The following CIMIP2A variants were observed in gnomAD, a reference collection of about 807,000 sequenced individuals.
The protein encoded by CIMIP2A is ciliary microtubule inner protein 2A.
At chr9:137,253,715 G>A in the CIMIP2A span, among the ~76,000 whole-genome samples, 2 of 152,200 alleles carry the variant, frequency 1.3e-5, no homozygotes, top group Non-Finnish European at 2.9e-5. Flanking sequence ...CAGGGGCCTG[G>A]TCTAGCTGCT....
the CIMIP2A span, among the ~76,000 whole-genome samples, chr9:137,243,967 C>T: frequency 6.6e-6 from 1 of 152,066 alleles, no homozygotes; most frequent in Non-Finnish European, 1.5e-5. Flanking sequence ...GGGGCTCGGC[C>T]TGTGTCTGGG....
chr9:137,249,758 G>T, the CIMIP2A span, among the ~76,000 whole-genome samples: 87 of 152,362 alleles, frequency 5.7e-4, no homozygotes, highest in Non-Finnish European at 1.2e-3. Flanking sequence ...GGACATGGAA[G>T]CGCCAGCCCC....
chr9:137,244,729 A>C, the CIMIP2A span: 1 of 1,613,144 alleles, frequency 6.2e-7, no homozygotes, highest in Non-Finnish European at 8.5e-7. Context: ...GAATGAAGCC[A>C]GCATAGCCTG....
the CIMIP2A span, chr9:137,245,785 A>T: frequency 6.5e-7 from 1 of 1,541,034 alleles, no homozygotes; most frequent in Non-Finnish European, 8.8e-7. Flanking sequence ...GTCTGTGAGC[A>T]GCTGCCCCGT....
At chr9:137,249,565 A>G in the CIMIP2A span, among the ~76,000 whole-genome samples, 1 of 152,148 alleles carries the variant, frequency 6.6e-6, no homozygotes, top group Non-Finnish European at 1.5e-5. Context: ...CCAAGGCAGG[A>G]CGCTAACATT....
the CIMIP2A span, chr9:137,244,508 A>G: frequency 1.3e-6 from 2 of 1,505,196 alleles, no homozygotes; most frequent in Admixed American, 4.1e-5. Context: ...CGGGGACAGG[A>G]GAGAGCCAGG....
chr9:137,250,260 G>C, the CIMIP2A span: 2 of 152,226 alleles, frequency 1.3e-5, no homozygotes, highest in Non-Finnish European at 1.5e-5. Flanking sequence ...GTTTATTACA[G>C]GGCAGGGAGG....
At chr9:137,245,647 T>C in the CIMIP2A span, 71 of 1,607,862 alleles carry the variant, frequency 4.4e-5, no homozygotes, top group African/African-American at 4.5e-4. Context: ...ACTGGTGTAG[T>C]GGGGGATGTA....
chr9:137,252,720 T>TC, the CIMIP2A span: 22 of 1,553,892 alleles, frequency 1.4e-5, 2 homozygotes, highest in South Asian at 2.5e-4. Flanking sequence ...GCCTTCAGCT[T>TC]CAGAGGCTGC....
At chr9:137,249,139 A>AG in the CIMIP2A span, among the ~76,000 whole-genome samples, 2 of 152,158 alleles carry the variant, frequency 1.3e-5, no homozygotes, top group African/African-American at 2.4e-5. Context: ...TACAGGCGTG[A>AG]GCCACTGTGC....
chr9:137,243,881 C>T, the CIMIP2A span: 23 of 1,356,102 alleles, frequency 1.7e-5, no homozygotes, highest in Non-Finnish European at 2.3e-5. Flanking sequence ...TGGGGCTGCC[C>T]TGGGCCCTGG....
chr9:137,253,040 G>A, the CIMIP2A span: 38 of 1,517,210 alleles, frequency 2.5e-5, no homozygotes, highest in Admixed American at 3.9e-5. Context: ...TTCAGGGGCC[G>A]GGGGTGGGAA....
the CIMIP2A span, among the ~76,000 whole-genome samples, chr9:137,248,146 G>A: frequency 6.6e-6 from 1 of 152,330 alleles, no homozygotes; most frequent in South Asian, 2.1e-4. Context: ...AGGGCTGTGC[G>A]AACTCTCCCT....
the CIMIP2A span, chr9:137,245,676 GC>G: frequency 1.2e-6 from 2 of 1,606,416 alleles, no homozygotes; most frequent in Non-Finnish European, 1.7e-6. Flanking sequence ...TCAGGTCTTG[GC>G]AGGGAACCCT....
the CIMIP2A span, chr9:137,247,726 C>T: frequency 1.9e-6 from 3 of 1,613,062 alleles, no homozygotes; most frequent in South Asian, 2.2e-5. Context: ...TTTGCTTTCA[C>T]TCTGGCCTTG....
At chr9:137,246,004 A>G in the CIMIP2A span, 1 of 552,520 alleles carries the variant, frequency 1.8e-6, no homozygotes, top group Non-Finnish European at 3.0e-6. Context: ...TCACCTGTAA[A>G]TGGGGCTGCA....
the CIMIP2A span, among the ~76,000 whole-genome samples, chr9:137,248,413 T>C: frequency 2.0e-5 from 3 of 151,216 alleles, no homozygotes; most frequent in East Asian, 5.8e-4. Flanking sequence ...TGCGGTGGCG[T>C]GCGCCTGTAG....
the CIMIP2A span, chr9:137,252,000 G>C: frequency 6.2e-7 from 1 of 1,610,320 alleles, no homozygotes. Context: ...CCTGTGGCCA[G>C]TGCTGGAGCA....
At chr9:137,244,972 G>C in the CIMIP2A span, 2 of 1,605,694 alleles carry the variant, frequency 1.2e-6, no homozygotes, top group Non-Finnish European at 1.7e-6. Flanking sequence ...CAGGCCGCTA[G>C]CCTGTTCTGG....
Sources: gnomAD v4.1 joint callset for allele counts (sites outside exome capture counted in the v4.1 genomes callset) on GRCh38, gnomAD v4.1.1 for gene constraint, MANE v1.5 for transcripts, NCBI Gene and HGNC (gene_info 2026-07-23, HGNC 2026-07-21) for gene names.